Variants in PLPPR4 observed in about 807,000 individuals in gnomAD.
PLPPR4 encodes the protein phospholipid phosphatase related 4, also known as phospholipid phosphatase-related protein type 4.
Under a neutral mutation model 56.6 loss-of-function variants are expected in PLPPR4, and 24 were observed. That is an observed-to-expected ratio of 0.42 (90% CI 0.31 to 0.60). The LOEUF is 0.60. Ranked by LOEUF, PLPPR4 falls within the 20% of genes least tolerant of loss-of-function variation. The pLI is 0.13. For synonymous variants in PLPPR4, 326 were observed against 328.1 expected (o/e 0.99, Z 0.07); for missense variants, 654 against 885.8 (o/e 0.74, Z 3.32).
At position 99,306,095 on chromosome 1, in the gene PLPPR4, G is replaced by T; in HGVS notation, c.1233G>T (p.Lys411Asn). ...TQWKNKNESR[K>N]LSLQVIEPEP... is the part of the protein sequence containing the mutation. ...GGAAGAATAAGAATGAAAGTCGAAAGTTGTCCTTGCAAGTTATAGAGCCTG... is the reference window on the plus strand; with the variant it reads ...GGAAGAATAAGAATGAAAGTCGAAATTTGTCCTTGCAAGTTATAGAGCCTG... Residue 411 changes from lysine (K) to asparagine (N), a missense_variant, in exon 7 of 7, where the codon AAG becomes AAT. This residue lies in a region of PLPPR4 where 468 missense variants were observed against 554.3 expected (regional missense o/e 0.84). Coordinates refer to ENST00000370185, the MANE Select transcript of PLPPR4 (RefSeq NM_014839.5). The surrounding 1 kb of genome is among the most constrained non-coding windows in gnomAD (Gnocchi z 4.0). 4 of 1,614,182 alleles carry T rather than the reference G, an allele frequency of 2.5e-6. No individual in the cohort carries two copies. Among genetic ancestry groups the T allele is most frequent in the Non-Finnish European group, 2.5e-6 (3 of 1,180,036 alleles).
chr1:99,276,626 G>A (rs1393319597), intron 1 of PLPPR4, among the ~76,000 whole-genome samples: 1 of 151,862 alleles, frequency 6.6e-6, no homozygotes, highest in Non-Finnish European at 1.5e-5. Context: ...GGAAAAAATG[G>A]AATTAAAAGA....
chr1:99,268,361 T>C (rs534492739), intron 1 of PLPPR4, among the ~76,000 whole-genome samples: 33 of 152,320 alleles, frequency 2.2e-4, no homozygotes, highest in Admixed American at 5.9e-4. Flanking sequence ...TCTGGATAGA[T>C]GCAAGGAAGG....
At chr1:99,291,933 A>AG (rs966331437) in intron 2 of PLPPR4, among the ~76,000 whole-genome samples, 2 of 152,088 alleles carry the variant, frequency 1.3e-5, no homozygotes, top group African/African-American at 4.8e-5. Context: ...AAGTTTAGAT[A>AG]GATAGATAGA....
rs373598740 is a variant in PLPPR4 at position 99,303,540 on chromosome 1, C to T, written c.822+1643C>T. 1.9e-3 allele frequency among the ~76,000 whole-genome samples: 285 copies of T among 151,838 alleles called. 3 individuals carry two copies. The highest frequency in any genetic ancestry group is 6.2e-3 in the African/African-American group (255 of 41,398). On this transcript the variant is annotated intron_variant, in intron 6 of 6. Coordinates refer to ENST00000370185, the MANE Select transcript of PLPPR4 (RefSeq NM_014839.5). ...GGAATACCAATAAACAAGTGACATG[C>T]GGAGGAAAAGGCAATAATGAAAGAA...
chr1:99,282,702 C>A (rs2100793839), intron 1 of PLPPR4, among the ~76,000 whole-genome samples: 2 of 152,014 alleles, frequency 1.3e-5, no homozygotes, highest in Admixed American at 1.3e-4. Context: ...CGGGTCTCTG[C>A]AACGTCTGGT....
At position 99,308,537 on chromosome 1, in the gene PLPPR4, G is replaced by A. The variant is rs147008819; in HGVS notation, c.*1527G>A. On this transcript the variant is annotated 3_prime_UTR_variant, in exon 7 of 7. Coordinates refer to ENST00000370185, the MANE Select transcript of PLPPR4 (RefSeq NM_014839.5). Reference sequence around the variant, plus strand: ...TTTTATGCCATTTCATAAGAATTCCGATATATACTTGATGATTGCCAAGGG... The same window carrying A: ...TTTTATGCCATTTCATAAGAATTCCAATATATACTTGATGATTGCCAAGGG... The A allele has an allele frequency of 1.3e-5, 2 of 152,626 alleles. No homozygotes were observed. The highest frequency in any genetic ancestry group is 1.9e-4 in the East Asian group (1 of 5,172). 9.5% of individuals were successfully genotyped at this position (152,626 alleles called of 1,614,324 possible). A position where few individuals can be genotyped will look rare whatever the true frequency, so the allele number is the denominator to read the frequency against.
intron 4 of PLPPR4, 126 bp downstream of exon 4, chr1:99,299,356 A>G (rs1434256501): frequency 2.8e-6 from 2 of 705,536 alleles, no homozygotes; most frequent in African/African-American, 3.6e-5. Flanking sequence ...TTTCAATTCA[A>G]TGATCTCTTC....
intron 1 of PLPPR4, among the ~76,000 whole-genome samples, chr1:99,266,157 T>C (rs562075941): frequency 6.6e-6 from 1 of 152,224 alleles, no homozygotes; most frequent in South Asian, 2.1e-4. Context: ...AAAGATGAGA[T>C]ACCTGCCTTC....
At chr1:99,265,963 C>T (rs2100779857) in intron 1 of PLPPR4, among the ~76,000 whole-genome samples, 1 of 151,840 alleles carries the variant, frequency 6.6e-6, no homozygotes, top group Non-Finnish European at 1.5e-5. Flanking sequence ...ATTCATGAAC[C>T]ATAGAAAAGA....
chr1:99,299,014 T>C, intron 3 of PLPPR4, 21 bp from the exon 4 acceptor site: 1 of 1,580,308 alleles, frequency 6.3e-7, no homozygotes. Flanking sequence ...TTGGTAACAA[T>C]TTCTTTCATT....
chr1:99,283,473 G>A (rs116542522), intron 1 of PLPPR4, among the ~76,000 whole-genome samples: 4,219 of 152,242 alleles, frequency 0.028, 148 homozygotes, highest in East Asian at 0.17. Flanking sequence ...AAAAATCAAT[G>A]TTATCTAGCA....
chr1:99,263,435 A>T (rs1658810841), upstream of PLPPR4, among the ~76,000 whole-genome samples: 1 of 152,178 alleles, frequency 6.6e-6, no homozygotes, highest in Admixed American at 6.5e-5. Flanking sequence ...CCAAAGACCT[A>T]TTGGAGGAGC....
At chr1:99,280,512 C>G (rs1659296843) in intron 1 of PLPPR4, among the ~76,000 whole-genome samples, 1 of 152,116 alleles carries the variant, frequency 6.6e-6, no homozygotes, top group Non-Finnish European at 1.5e-5. Context: ...ATTAAAAGCA[C>G]TGGGTGAATT....
At chr1:99,277,566 T>G (rs570440469) in intron 1 of PLPPR4, among the ~76,000 whole-genome samples, 1 of 152,292 alleles carries the variant, frequency 6.6e-6, no homozygotes, top group East Asian at 1.9e-4. Flanking sequence ...TTAAAATGAA[T>G]TATCCATTTG....
chr1:99,269,646 G>A (rs1322172490), intron 1 of PLPPR4, among the ~76,000 whole-genome samples: 1 of 152,152 alleles, frequency 6.6e-6, no homozygotes, highest in Non-Finnish European at 1.5e-5. Flanking sequence ...AAATAAATGG[G>A]AAAGGGATTC....
intron 1 of PLPPR4, among the ~76,000 whole-genome samples, chr1:99,271,427 T>C (rs1659057465): frequency 6.6e-6 from 1 of 152,172 alleles, no homozygotes; most frequent in Non-Finnish European, 1.5e-5. Flanking sequence ...ACAACAATGC[T>C]AAACCTAGTG....
chr1:99,269,813 C>G (rs775174669), intron 1 of PLPPR4, among the ~76,000 whole-genome samples: 1 of 151,990 alleles, frequency 6.6e-6, no homozygotes, highest in Admixed American at 6.6e-5. Flanking sequence ...GTTATTCATA[C>G]GAGAAAACAC....
In PLPPR4 at chr1:99,307,063, T is replaced by G. The variant is rs1660050048; in HGVS notation, c.*53T>G. ...CTCGCAAAAGACCATATGTTGATTC[T>G]ACCTGTGTTCTGTTCCAGCGAATTG... is the stretch of plus-strand genomic sequence containing the variant. On this transcript the variant is annotated 3_prime_UTR_variant, in exon 7 of 7. Coordinates refer to ENST00000370185, the MANE Select transcript of PLPPR4 (RefSeq NM_014839.5). 7.8e-6 allele frequency: 12 copies of G among 1,532,996 alleles called. No homozygotes were observed. The East Asian group carries it at 2.7e-4, about 35-fold the overall frequency. 95.0% of individuals were successfully genotyped at this position (1,532,996 alleles called of 1,614,324 possible).
In PLPPR4 at chr1:99,306,267, C is replaced by G. The variant is rs577187319; in HGVS notation, c.1405C>G (p.Pro469Ala). The G allele has an allele frequency of 6.2e-7, 1 of 1,614,146 alleles. No homozygotes were observed. The highest frequency in any genetic ancestry group is 8.5e-7 in the Non-Finnish European group (1 of 1,180,010). Residue 469 changes from proline to alanine, a missense_variant, in exon 7 of 7, where the codon CCT becomes GCT. Transcript: ENST00000370185. The surrounding 1 kb of genome is among the most constrained non-coding windows in gnomAD (Gnocchi z 4.0). Reference protein sequence around the residue: ...GAVPGCNNSMPGGPRVSIQSR... With the variant: ...GAVPGCNNSMAGGPRVSIQSR... ...TGTCCCCGGATGTAACAACAGCATG[C>G]CTGGAGGGCCAAGAGTGTCCATTCA... is the stretch of plus-strand genomic sequence containing the variant.
Sources: gnomAD v4.1 joint callset for allele counts (sites outside exome capture counted in the v4.1 genomes callset) on GRCh38, gnomAD v4.1.1 for gene constraint, gnomAD v4.1.1 regional missense constraint, Gnocchi (gnomAD v3.1) non-coding constraint, MANE v1.5 for transcripts, NCBI Gene and HGNC (gene_info 2026-07-23, HGNC 2026-07-21) for gene names.